DLG1: variants seen among roughly 807,000 people sequenced by gnomAD.
DLG1 encodes the protein discs large MAGUK scaffold protein 1.
In DLG1, 42 loss-of-function variants were observed where a neutral mutation model predicts 123.4. The ratio of observed to expected loss-of-function variants is 0.34; its 90% CI spans 0.27 to 0.44. DLG1 has a LOEUF of 0.44. Ranked by LOEUF, DLG1 falls within the 20% of genes least tolerant of loss-of-function variation. The pLI, the probability that DLG1 is intolerant of heterozygous loss-of-function variation, is 1.00. For synonymous variants in DLG1, 317 were observed against 356.2 expected, an observed-to-expected ratio of 0.89 and a Z score of 1.24; for missense variants, 942 against 1,082.6, an observed-to-expected ratio of 0.87 and a Z score of 1.82.
At chr3:197,256,114 T>C (rs1191909299) in intron 4 of DLG1, among the ~76,000 whole-genome samples, 2 of 152,258 alleles carry the variant, frequency 1.3e-5, no homozygotes, top group Non-Finnish European at 1.5e-5. Context: ...TGGCATTCTA[T>C]GTGTCCTATA....
At chr3:197,052,337 C>T (rs960395134) in intron 23 of DLG1, among the ~76,000 whole-genome samples, 1 of 152,018 alleles carries the variant, frequency 6.6e-6, no homozygotes, top group Non-Finnish European at 1.5e-5. Flanking sequence ...TGCCTGTAAT[C>T]CTAGCTACCT....
intron 14 of DLG1, among the ~76,000 whole-genome samples, chr3:197,096,596 T>C (rs1261966408): frequency 6.6e-6 from 1 of 152,262 alleles, no homozygotes; most frequent in African/African-American, 2.4e-5. Flanking sequence ...AGAAGGTCTA[T>C]TTTTGCTTTA....
At chr3:197,288,171 C>T (rs1232499396) in intron 3 of DLG1, among the ~76,000 whole-genome samples, 1 of 151,806 alleles carries the variant, frequency 6.6e-6, no homozygotes, top group Non-Finnish European at 1.5e-5. Flanking sequence ...CGAGACCATC[C>T]TGGCCAACAT....
chr3:197,194,348 T>C, intron 5 of DLG1, 77 bp downstream of exon 5: 1 of 998,748 alleles, frequency 1.0e-6, no homozygotes, highest in Non-Finnish European at 1.3e-6. Context: ...GAAAGAATAC[T>C]TCTCTCCGAG....
Position 197,085,583 on chromosome 3 carries a change from C to T in DLG1, c.1835G>A (p.Arg612His). ...SDEVGVIPSK[R>H]RVEKKERARL... ...AAGTGGTAAGAAACAGGCATACCTG[C>T]GTTTACTGGGAATCACTCCGACCTC... The change falls in exon 16 of 25, where the codon CGC becomes CAC. Residue 612 changes from arginine to histidine, a missense_variant. Arg to His is a conservative substitution (Grantham distance 29, BLOSUM62 0). Coordinates refer to ENST00000667157, the MANE Select transcript of DLG1 (RefSeq NM_001366207.1). 2 of 1,613,854 alleles carry T rather than the reference C, an allele frequency of 1.2e-6. No individual in the cohort carries two copies. The highest frequency in any genetic ancestry group is 2.2e-5 in the East Asian group (1 of 44,862).
intron 4 of DLG1, among the ~76,000 whole-genome samples, chr3:197,237,626 C>A (rs1002608425): frequency 6.6e-6 from 1 of 152,192 alleles, no homozygotes; most frequent in African/African-American, 2.4e-5. Flanking sequence ...CCAACTGGGG[C>A]TGGGTCAGAG....
At chr3:197,140,393 T>C (rs1787371387) in intron 7 of DLG1, 129 bp from the exon 8 acceptor site, 5 of 863,590 alleles carry the variant, frequency 5.8e-6, no homozygotes, top group Admixed American at 2.8e-5. Flanking sequence ...GGGTGAGTAA[T>C]ATAAAGATTC....
rs370004499 is a variant in DLG1 at position 197,055,540 on chromosome 3, G to C, written c.2484-3872C>G. Among the ~76,000 whole-genome samples, 433 of 152,180 alleles carry C rather than the reference G, an allele frequency of 2.8e-3. 4 individuals carry two copies. Among genetic ancestry groups the C allele is most frequent in the African/African-American group, 9.9e-3 (412 of 41,512 alleles). ...TTAATTTTATTGTTTACTGTTGCAAGGTGTTTCTGTACCAGGAATCAGCCT... is the reference window on the plus strand; with the variant it reads ...TTAATTTTATTGTTTACTGTTGCAACGTGTTTCTGTACCAGGAATCAGCCT... On this transcript the variant is annotated intron_variant, in intron 23 of 24. Transcript: ENST00000667157.
At chr3:197,164,967 T>C (rs970766883) in intron 5 of DLG1, among the ~76,000 whole-genome samples, 1 of 151,832 alleles carries the variant, frequency 6.6e-6, no homozygotes, top group African/African-American at 2.4e-5. Context: ...GAGATTATCA[T>C]ACAGAAATTT....
At chr3:197,152,076 T>A (rs562702296) in intron 5 of DLG1, among the ~76,000 whole-genome samples, 2 of 148,362 alleles carry the variant, frequency 1.3e-5, no homozygotes, top group East Asian at 4.6e-4. Flanking sequence ...TATAGCTTCC[T>A]ATGATTTGCA....
At chr3:197,243,815 G>A (rs1225095795) in intron 4 of DLG1, among the ~76,000 whole-genome samples, 1 of 152,124 alleles carries the variant, frequency 6.6e-6, no homozygotes, top group African/African-American at 2.4e-5. Context: ...GCAGTTATCT[G>A]ATTTCGGGCT....
chr3:197,077,056 T>C (rs1747748973), intron 17 of DLG1, among the ~76,000 whole-genome samples: 1 of 152,182 alleles, frequency 6.6e-6, no homozygotes, highest in Admixed American at 6.5e-5. Flanking sequence ...TATTTAATGT[T>C]ACTTTGCTGC....
rs1037047320 is a variant in DLG1 at position 197,296,471 on chromosome 3, T to C, written c.26A>G (p.Gln9Arg). Residue 9 changes from glutamine (Q) to arginine (R), a missense_variant, in exon 3 of 25, where the codon CAG becomes CGG. Gln to Arg is a conservative substitution (Grantham distance 43). Transcript: ENST00000667157. ...TTCCTCCAAAAGGTGCAATGCTCTCTGGGTATCTGAGAAGAAAAAGCAGAG... is the reference window on the plus strand; with the variant it reads ...TTCCTCCAAAAGGTGCAATGCTCTCCGGGTATCTGAGAAGAAAAAGCAGAG... Reference protein sequence around the residue: MPVRKQDTQRALHLLEEYR... With the variant: MPVRKQDTRRALHLLEEYR... 1.9e-6 allele frequency: 3 copies of C among 1,613,468 alleles called. No individual in the cohort carries two copies. Among genetic ancestry groups the C allele is most frequent in the South Asian group, 1.1e-5 (1 of 90,946 alleles).
At position 197,044,714 on chromosome 3, in the gene DLG1, T is replaced by G; in HGVS notation, c.2591A>C (p.Asp864Ala). 1 of 1,602,872 alleles carries G rather than the reference T, an allele frequency of 6.2e-7. No individual in the cohort carries two copies. Among genetic ancestry groups the G allele is most frequent in the Non-Finnish European group, 8.5e-7 (1 of 1,172,276 alleles). Residue 864 changes from aspartate (D) to alanine (A), a missense_variant, in exon 25 of 25, where the codon GAT becomes GCT. Physicochemically the swap from Asp to Ala is moderately radical, Grantham distance 126 (BLOSUM62 -2). Transcript: ENST00000667157. ...TEHFTAIVQGDTLEDIYNQVK... is the reference protein window; with the variant it reads ...TEHFTAIVQGATLEDIYNQVK... ...TTGGTTGTAAATGTCTTCCAGCGTA[T>G]CCCCCTGTACAATAGCTGTAATGAT...
intron 5 of DLG1, chr3:197,161,565 G>A: frequency 2.1e-6 from 2 of 944,418 alleles, no homozygotes; most frequent in Non-Finnish European, 3.0e-6. Context: ...AGCTCAAACA[G>A]TTTTAAAAAA....
chr3:197,076,903 T>C (rs1362701026), intron 17 of DLG1, among the ~76,000 whole-genome samples: 1 of 152,204 alleles, frequency 6.6e-6, no homozygotes, highest in Non-Finnish European at 1.5e-5. Flanking sequence ...GCATAGTTCA[T>C]TTATACCTAA....
Position 197,049,912 on chromosome 3 carries a change from T to C in DLG1, c.2575+1665A>G, listed in dbSNP as rs77165258. ...ACCCTGTCTCTACAAAAATAAAAAA[T>C]TAGCCAGGTGTGGTGTTGCACGCCT... On this transcript the variant is annotated intron_variant, in intron 24 of 24. Coordinates refer to ENST00000667157, the MANE Select transcript of DLG1 (RefSeq NM_001366207.1). Among the ~76,000 whole-genome samples the C allele has an allele frequency of 2.8e-3, 427 of 151,962 alleles. 1 individual carries two copies. Among genetic ancestry groups the C allele is most frequent in the African/African-American group, 0.01 (418 of 41,406 alleles).
intron 4 of DLG1, among the ~76,000 whole-genome samples, chr3:197,227,276 C>T (rs1651395493): frequency 6.6e-6 from 1 of 152,066 alleles, no homozygotes; most frequent in South Asian, 2.1e-4. Flanking sequence ...AGTTCGAGAC[C>T]AGCCTGGCCA....
intron 4 of DLG1, among the ~76,000 whole-genome samples, chr3:197,259,093 A>G (rs1483521453): frequency 2.6e-5 from 4 of 152,202 alleles, no homozygotes; most frequent in African/African-American, 9.6e-5. Flanking sequence ...TACTGGAAAT[A>G]AAACCAAAAT....
Sources: gnomAD v4.1 joint callset for allele counts (sites outside exome capture counted in the v4.1 genomes callset) on GRCh38, gnomAD v4.1.1 for gene constraint, MANE v1.5 for transcripts, NCBI Gene and HGNC (gene_info 2026-07-23, HGNC 2026-07-21) for gene names.